The following KCNV1 variants were observed in gnomAD, a reference collection of about 807,000 sequenced individuals.
KCNV1 encodes the protein potassium voltage-gated channel modifier subfamily V member 1.
KCNV1 carries 2 observed loss-of-function variants against 36.4 expected under a neutral mutation model. The observed-to-expected ratio is 0.05, with a 90% confidence interval of 0.02 to 0.17. The LOEUF is 0.17. Among genes scored for constraint, KCNV1 ranks in the 10% least tolerant of loss-of-function variants. KCNV1 has a pLI of 1.00. For missense variants in KCNV1, 321 were observed against 643.6 expected (o/e 0.50, Z 5.42); for synonymous variants, 280 against 261.1 (o/e 1.07, Z -0.70).
Position 109,967,898 on chromosome 8 carries a change from G to T in KCNV1, c.*190C>A. 1 of 554,604 alleles carries T rather than the reference G, an allele frequency of 1.8e-6. No individual in the cohort carries two copies. Among genetic ancestry groups the T allele is most frequent in the East Asian group, 2.9e-5 (1 of 34,572 alleles). The allele number at this position is 554,604 out of a possible 1,614,324, so 34.4% of individuals were successfully genotyped here. On this transcript the variant is annotated 3_prime_UTR_variant, in exon 4 of 4. Coordinates refer to ENST00000524391, the MANE Select transcript of KCNV1 (RefSeq NM_014379.4). ...AATTGGCTATTTTGGACACTCAAAT[G>T]TGTCAGAACACTGTGCAGTTGTTAT...
In KCNV1 at chr8:109,968,606, C is replaced by A; in HGVS notation, c.992-7G>T. 6.4e-7 allele frequency: 1 copy of A among 1,571,290 alleles called. No individual in the cohort carries two copies. On this transcript the variant is annotated splice_polypyrimidine_tract_variant and splice_region_variant and intron_variant, in intron 3 of 3. Coordinates refer to ENST00000524391, the MANE Select transcript of KCNV1 (RefSeq NM_014379.4). This position sits in a 1 kb window ranked among gnomAD's most constrained non-coding sequence, Gnocchi z 5.3. The stretch of plus-strand genomic sequence containing the variant: ...ATCCCAAGGGAGCGTAATCCTGCAA[C>A]AGAACAAATGCTGTCAGTCATTGGC...
Position 109,968,334 on chromosome 8 carries a change from G to A in KCNV1, c.1257C>T (p.Val419=), listed in dbSNP as rs190126683. Residue 419 remains valine, a synonymous_variant, in exon 4 of 4, where the codon GTC becomes GTT. Transcript: ENST00000524391. The surrounding 1 kb of genome is among the most constrained non-coding windows in gnomAD (Gnocchi z 5.3). The stretch of plus-strand genomic sequence containing the variant: ...TAATAATAGCAATAGGCAAGGCCAA[G>A]ACAAGAATTCCCGATAATATACACA... ...AFMCILSGIL[V]LALPIAIIND... 9.9e-6 allele frequency: 16 copies of A among 1,614,164 alleles called. No homozygotes were observed. In the East Asian group the frequency reaches 3.6e-4, roughly 36 times the overall value.
Position 109,974,245 on chromosome 8 carries a change from GC to G in KCNV1, c.143del (p.Ser48ThrfsTer114). ...GDCFTVNVGG[S>X]RFVLSQQALS... Reference sequence around the variant, plus strand: ...GCGCCTGCTGCGAGAGCACGAAGCGGCTGCCGCCCACGTTGACCGTGAAGCA... The same window carrying G: ...GCGCCTGCTGCGAGAGCACGAAGCGGTGCCGCCCACGTTGACCGTGAAGCA... On this transcript the variant is annotated frameshift_variant, in exon 2 of 4. Coordinates refer to ENST00000524391, the MANE Select transcript of KCNV1 (RefSeq NM_014379.4). LOFTEE classifies it high-confidence loss of function. The surrounding 1 kb of genome is among the most constrained non-coding windows in gnomAD (Gnocchi z 6.2). The G allele has an allele frequency of 6.4e-7, 1 of 1,561,752 alleles. No individual in the cohort carries two copies. The highest frequency in any genetic ancestry group is 2.4e-5 in the East Asian group (1 of 41,876).
chr8:109,973,715 A>T, intron 2 of KCNV1, among the ~76,000 whole-genome samples: 1 of 152,142 alleles, frequency 6.6e-6, no homozygotes, highest in East Asian at 1.9e-4. Flanking sequence ...CAAAAAAGGG[A>T]ACAAAGAGAT....
Position 109,972,349 on chromosome 8 carries a change from G to A in KCNV1, c.900C>T (p.Thr300=). The A allele has an allele frequency of 6.2e-7, 1 of 1,614,166 alleles. No individual in the cohort carries two copies. The highest frequency in any genetic ancestry group is 8.5e-7 in the Non-Finnish European group (1 of 1,180,032). Residue 300 remains threonine (T), a synonymous_variant, in exon 3 of 4, where the codon ACC becomes ACT. Coordinates refer to ENST00000524391, the MANE Select transcript of KCNV1 (RefSeq NM_014379.4). This position sits in a 1 kb window ranked among gnomAD's most constrained non-coding sequence, Gnocchi z 5.2. ...GCCCCACGTTCTCCAGCTCCTGCGT[G>A]GTCTGGCTCCCACTTAGGCTCTCTA... ...LLVESLSGSQ[T]TQELENVGRI...
rs1819933509 is a variant in KCNV1, at chr8:109,965,419, G to A, written c.*2669C>T. ...GATTTTTTTACCTAAATGAAATTTGGTTTGCTTATATATACATTCATTGAA... is the reference window on the plus strand; with the variant it reads ...GATTTTTTTACCTAAATGAAATTTGATTTGCTTATATATACATTCATTGAA... On this transcript the variant is annotated 3_prime_UTR_variant, in exon 4 of 4. Transcript: ENST00000524391. 6.6e-6 allele frequency: 1 copy of A among 151,966 alleles called. No homozygotes were observed. Among genetic ancestry groups the A allele is most frequent in the African/African-American group, 2.4e-5 (1 of 41,372 alleles). 9.4% of individuals were successfully genotyped at this position (151,966 alleles called of 1,614,324 possible).
chr8:109,969,403 GT>G (rs761975237), intron 3 of KCNV1, among the ~76,000 whole-genome samples: 24 of 152,214 alleles, frequency 1.6e-4, no homozygotes, highest in South Asian at 4.2e-4. Context: ...TTGCAAAAAG[GT>G]ATGGGAAATG....
intron 3 of KCNV1, among the ~76,000 whole-genome samples, chr8:109,971,593 C>CA (rs1205710027): frequency 2.0e-5 from 3 of 151,954 alleles, no homozygotes; most frequent in South Asian, 2.1e-4. Flanking sequence ...CTGTGATACA[C>CA]AAAAAACTAA....
In KCNV1 at chr8:109,972,260, G is replaced by T; in HGVS notation, c.989C>A (p.Thr330Lys). ...AGGCATCAGTGAAATGTGAATACCTGTGGAATGTCTGCCCAGCTTTAGCAT... is the reference window on the plus strand; with the variant it reads ...AGGCATCAGTGAAATGTGAATACCTTTGGAATGTCTGCCCAGCTTTAGCAT... Reference protein sequence around the residue: ...LRMLKLGRHSTGLRSLGMTIT... With the variant: ...LRMLKLGRHSKGLRSLGMTIT... Residue 330 changes from threonine to lysine, a missense_variant and splice_region_variant, in exon 3 of 4, where the codon ACA (threonine) becomes AAA (lysine). Coordinates refer to ENST00000524391, the MANE Select transcript of KCNV1 (RefSeq NM_014379.4). The surrounding 1 kb of genome is among the most constrained non-coding windows in gnomAD (Gnocchi z 5.2). 2 of 1,583,936 alleles carry T rather than the reference G, an allele frequency of 1.3e-6. No homozygotes were observed. The highest frequency in any genetic ancestry group is 1.7e-6 in the Non-Finnish European group (2 of 1,167,604).
chr8:109,974,418 G>C lies in KCNV1; in HGVS notation c.-30C>G. 7.0e-7 allele frequency: 1 copy of C among 1,419,056 alleles called. No individual in the cohort carries two copies. Among genetic ancestry groups the C allele is most frequent in the Non-Finnish European group, 9.3e-7 (1 of 1,080,410 alleles). 87.9% of individuals were successfully genotyped at this position (1,419,056 alleles called of 1,614,324 possible). ...AACCCAGTCGCCGCGGCCTGAGGGC[G>C]CCACAAAGTTGGGGACACGCCGGAA... On this transcript the variant is annotated 5_prime_UTR_variant, in exon 2 of 4. Transcript: ENST00000524391. The surrounding 1 kb of genome is among the most constrained non-coding windows in gnomAD (Gnocchi z 6.2).
chr8:109,963,700 G>T lies in KCNV1; in HGVS notation c.*4388C>A, dbSNP rs564068453. 6 of 151,966 alleles carry T rather than the reference G, an allele frequency of 3.9e-5. No homozygotes were observed. The highest frequency in any genetic ancestry group is 8.8e-5 in the Non-Finnish European group (6 of 67,976). The allele number at this position is 151,966 out of a possible 1,614,324, so 9.4% of individuals were successfully genotyped here. A position where few individuals can be genotyped will look rare whatever the true frequency, so the allele number is the denominator to read the frequency against. On this transcript the variant is annotated 3_prime_UTR_variant, in exon 4 of 4. Coordinates refer to ENST00000524391, the MANE Select transcript of KCNV1 (RefSeq NM_014379.4). ...CATAAGAATTCCACATTAAAACACAGAACTGAGATTCCTACCTCAGTTATT... is the reference window on the plus strand; with the variant it reads ...CATAAGAATTCCACATTAAAACACATAACTGAGATTCCTACCTCAGTTATT...
chr8:109,972,124 A>G lies in KCNV1; in HGVS notation c.991+134T>C. 1.1e-6 allele frequency: 1 copy of G among 899,344 alleles called. No individual in the cohort carries two copies. Among genetic ancestry groups the G allele is most frequent in the Non-Finnish European group, 1.6e-6 (1 of 610,090 alleles). 55.7% of individuals were successfully genotyped at this position (899,344 alleles called of 1,614,324 possible). A position where few individuals can be genotyped will look rare whatever the true frequency, so the allele number is the denominator to read the frequency against. On this transcript the variant is annotated intron_variant, in intron 3 of 3. Transcript: ENST00000524391. The surrounding 1 kb of genome is among the most constrained non-coding windows in gnomAD (Gnocchi z 5.2). ...GTTTTGCCTCCCAATATCTCCTTAG[A>G]GGTCATGATCAGGTAAAGTATGGGA...
rs1197601895 is a variant in KCNV1, at chr8:109,974,668, C to G, written c.-280G>C. 7.8e-6 allele frequency: 4 copies of G among 510,284 alleles called. No individual in the cohort carries two copies. The highest frequency in any genetic ancestry group is 2.6e-5 in the South Asian group (1 of 39,084). 31.6% of individuals were successfully genotyped at this position (510,284 alleles called of 1,614,324 possible). The stretch of plus-strand genomic sequence containing the variant: ...CTAAGAGAGAGGATCAGGTGAGGTC[C>G]AAGCCCGACACAGTCCCTGTGCACA... On this transcript the variant is annotated 5_prime_UTR_variant, in exon 2 of 4. Transcript: ENST00000524391. The surrounding 1 kb of genome is among the most constrained non-coding windows in gnomAD (Gnocchi z 6.2).
chr8:109,973,901 C>T (rs1026176418), intron 2 of KCNV1, 27 bp downstream of exon 2: 2 of 1,540,836 alleles, frequency 1.3e-6, no homozygotes, highest in Non-Finnish European at 1.8e-6. Context: ...CGCCTCCCCG[C>T]CCAGCCGCCG....
rs1442055281 is a variant in KCNV1, at chr8:109,964,761, T to C, written c.*3327A>G. On this transcript the variant is annotated 3_prime_UTR_variant, in exon 4 of 4. Coordinates refer to ENST00000524391, the MANE Select transcript of KCNV1 (RefSeq NM_014379.4). ...CAGGAAGAGAAAACCAAATACCACA[T>C]GTTCTCACTTATAAGTGGGAGCTAA... The C allele has an allele frequency of 6.6e-6, 1 of 152,174 alleles. No individual in the cohort carries two copies. 9.4% of individuals were successfully genotyped at this position (152,174 alleles called of 1,614,324 possible).
intron 3 of KCNV1, among the ~76,000 whole-genome samples, chr8:109,969,571 G>T (rs752283662): frequency 6.6e-6 from 1 of 152,140 alleles, no homozygotes; most frequent in Non-Finnish European, 1.5e-5. Flanking sequence ...TATGGGCCGG[G>T]CACGGTGGCT....
Position 109,964,504 on chromosome 8 carries a change from C to G in KCNV1, c.*3584G>C, listed in dbSNP as rs1425274360. The stretch of plus-strand genomic sequence containing the variant: ...GCAATCCCATTAATGGGTATATACC[C>G]AAGAAATATAAATTGTTTTATTATA... On this transcript the variant is annotated 3_prime_UTR_variant, in exon 4 of 4. Transcript: ENST00000524391. 6.6e-6 allele frequency: 1 copy of G among 152,026 alleles called. No individual in the cohort carries two copies. The highest frequency in any genetic ancestry group is 2.4e-5 in the African/African-American group (1 of 41,380). 9.4% of individuals were successfully genotyped at this position (152,026 alleles called of 1,614,324 possible). A position where few individuals can be genotyped will look rare whatever the true frequency, so the allele number is the denominator to read the frequency against.
chr8:109,972,698 A>T lies in KCNV1; in HGVS notation c.551T>A (p.Phe184Tyr). Residue 184 changes from phenylalanine (F) to tyrosine (Y), a missense_variant, in exon 3 of 4, where the codon TTC (phenylalanine) becomes TAC (tyrosine). Physicochemically the swap from Phe to Tyr is conservative, Grantham distance 22. This residue lies in a region of KCNV1 where 141 missense variants were observed against 225.0 expected (regional missense o/e 0.63). Transcript: ENST00000524391. This position sits in a 1 kb window ranked among gnomAD's most constrained non-coding sequence, Gnocchi z 5.2. ...QESQHESEQD[F>Y]SQGPCPTVRQ... ...AACAGTGGGACAAGGTCCTTGGGAG[A>T]AGTCCTGTTCACTCTCATGTTGACT... The T allele has an allele frequency of 6.2e-7, 1 of 1,614,076 alleles. No homozygotes were observed. Among genetic ancestry groups the T allele is most frequent in the Non-Finnish European group, 8.5e-7 (1 of 1,179,994 alleles).
rs1819934429 is a variant in KCNV1, at chr8:109,965,511, G to T, written c.*2577C>A. 1 of 151,990 alleles carries T rather than the reference G, an allele frequency of 6.6e-6. No individual in the cohort carries two copies. The highest frequency in any genetic ancestry group is 1.5e-5 in the Non-Finnish European group (1 of 68,004). 9.4% of individuals were successfully genotyped at this position (151,990 alleles called of 1,614,324 possible). A position where few individuals can be genotyped will look rare whatever the true frequency, so the allele number is the denominator to read the frequency against. On this transcript the variant is annotated 3_prime_UTR_variant, in exon 4 of 4. Transcript: ENST00000524391. ...CAATGATATTTTAAAACTTCTTTCT[G>T]AAGACCTACATCTTGACAACATTTA...
Sources: gnomAD v4.1 joint callset for allele counts (sites outside exome capture counted in the v4.1 genomes callset) on GRCh38, gnomAD v4.1.1 for gene constraint, gnomAD v4.1.1 regional missense constraint, Gnocchi (gnomAD v3.1) non-coding constraint, MANE v1.5 for transcripts, NCBI Gene and HGNC (gene_info 2026-07-23, HGNC 2026-07-21) for gene names.